The following NTRK2 variants were observed in gnomAD, a reference collection of about 807,000 sequenced individuals.
NTRK2 encodes the protein neurotrophic receptor tyrosine kinase 2.
Under a neutral mutation model 94.5 loss-of-function variants are expected in NTRK2, and 13 were observed. The ratio of observed to expected loss-of-function variants is 0.14; its 90% CI spans 0.09 to 0.22. The LOEUF (loss-of-function observed/expected upper bound fraction) is 0.22. Among genes scored for constraint, NTRK2 ranks in the 10% least tolerant of loss-of-function variants. The pLI is 1.00. For synonymous variants in NTRK2, 372 were observed against 407.4 expected (o/e 0.91, Z 1.05); for missense variants, 639 against 1,071.2 (o/e 0.60, Z 5.63).
intron 9 of NTRK2, among the ~76,000 whole-genome samples, chr9:84,737,868 T>C (rs911272236): frequency 6.6e-6 from 1 of 151,492 alleles, no homozygotes; most frequent in African/African-American, 2.5e-5. Flanking sequence ...TCACTTTCGG[T>C]AATTCTTGAC....
chr9:84,678,917 A>G (rs2059224070), intron 2 of NTRK2, among the ~76,000 whole-genome samples: 1 of 152,178 alleles, frequency 6.6e-6, no homozygotes, highest in Non-Finnish European at 1.5e-5. Flanking sequence ...TATTCTGCCA[A>G]AATTCATGTG....
At chr9:84,740,437 C>A (rs183224891) in intron 9 of NTRK2, among the ~76,000 whole-genome samples, 1 of 152,330 alleles carries the variant, frequency 6.6e-6, no homozygotes, top group African/African-American at 2.4e-5. Flanking sequence ...TTGAAATTTA[C>A]TGGAATCAAT....
intron 2 of NTRK2, among the ~76,000 whole-genome samples, chr9:84,680,602 A>G (rs2131388331): frequency 6.6e-6 from 1 of 152,306 alleles, no homozygotes; most frequent in Middle Eastern, 3.4e-3. Context: ...CCACATTTTA[A>G]GATAAGAATT....
chr9:84,676,383 T>A lies in NTRK2; in HGVS notation c.212+5423T>A, dbSNP rs571744302. On this transcript the variant is annotated intron_variant, in intron 2 of 18. Transcript: ENST00000277120. The stretch of plus-strand genomic sequence containing the variant: ...GTGTTATGTGGAAATGTTTTCAGTG[T>A]CTGCTCTGAACTCCCTCAAACCATG... 5.3e-5 allele frequency among the ~76,000 whole-genome samples: 8 copies of A among 152,342 alleles called. No homozygotes were observed. The East Asian group carries it at 1.4e-3, about 26-fold the overall frequency.
At chr9:84,797,604 ATATATAATATATATACTATATAT>A in intron 12 of NTRK2, among the ~76,000 whole-genome samples, 3 of 80,080 alleles carry the variant, frequency 3.7e-5, no homozygotes, top group African/African-American at 5.1e-5. Context: ...ACTATATATT[ATATATAATATATATACTATATAT>A]TATATATTAT....
In NTRK2 at chr9:84,875,861, A is replaced by C. The variant is rs149012178; in HGVS notation, c.1633+8430A>C. 2.5e-4 allele frequency: 259 copies of C among 1,042,084 alleles called. 2 individuals are homozygous for C. In the African/African-American group the frequency reaches 3.9e-3, roughly 16 times the overall value. 64.6% of individuals were successfully genotyped at this position (1,042,084 alleles called of 1,614,324 possible). A position where few individuals can be genotyped will look rare whatever the true frequency, so the allele number is the denominator to read the frequency against. On this transcript the variant is annotated intron_variant, in intron 14 of 18. Coordinates refer to ENST00000277120, the MANE Select transcript of NTRK2 (RefSeq NM_006180.6). ...ATAGTATGACATCCAATAATATGTT[A>C]GTGTTGATATTTTGCACAGTAATAT...
chr9:84,933,162 C>T (rs1008449122), intron 14 of NTRK2, among the ~76,000 whole-genome samples: 1 of 152,190 alleles, frequency 6.6e-6, no homozygotes, highest in Non-Finnish European at 1.5e-5. Context: ...AATGCACTAC[C>T]ATTCAGCAAC....
rs148731843 is a variant in NTRK2, at chr9:84,913,860, TTTATTA to T, written c.1634-20284_1634-20279del. 1.9e-4 allele frequency among the ~76,000 whole-genome samples: 29 copies of T among 151,028 alleles called. No homozygotes were observed. In the South Asian group the frequency reaches 4.8e-3, roughly 25 times the overall value. On this transcript the variant is annotated intron_variant, in intron 14 of 18. Transcript: ENST00000277120. Reference sequence around the variant, plus strand: ...GAAGTTTCAGCTGCTATTTTTCAACTTTATTATTATTATTATTATTATTTTTGCCAT... The same window carrying T: ...GAAGTTTCAGCTGCTATTTTTCAACTTTATTATTATTATTATTTTTGCCAT...
chr9:84,992,287 GC>G (rs1177113003), intron 17 of NTRK2, among the ~76,000 whole-genome samples: 1 of 151,872 alleles, frequency 6.6e-6, no homozygotes, highest in African/African-American at 2.4e-5. Flanking sequence ...TACTTACATG[GC>G]CCAATGGAAT....
chr9:84,976,238 G>A (rs1354261904), intron 17 of NTRK2, among the ~76,000 whole-genome samples: 3 of 152,178 alleles, frequency 2.0e-5, no homozygotes, highest in African/African-American at 4.8e-5. Flanking sequence ...GGGTTCTGGT[G>A]AGGGCTCTCT....
At chr9:84,812,570 A>C in intron 12 of NTRK2, 2 of 1,046,410 alleles carry the variant, frequency 1.9e-6, no homozygotes, top group Non-Finnish European at 2.3e-6. Flanking sequence ...GCCAGCTAAT[A>C]GCAGAAATCA....
intron 2 of NTRK2, among the ~76,000 whole-genome samples, chr9:84,676,530 G>A (rs918376926): frequency 6.6e-5 from 10 of 152,138 alleles, no homozygotes; most frequent in African/African-American, 2.4e-4. Context: ...AAAGAGAAAG[G>A]GCTTTAGAAA....
intron 6 of NTRK2, among the ~76,000 whole-genome samples, chr9:84,722,956 T>C (rs747717439): frequency 1.1e-4 from 16 of 152,246 alleles, no homozygotes; most frequent in Non-Finnish European, 2.1e-4. Flanking sequence ...TATTTAACTA[T>C]GATTTATATA....
chr9:84,684,384 A>G (rs2059584144), intron 2 of NTRK2, among the ~76,000 whole-genome samples: 1 of 152,204 alleles, frequency 6.6e-6, no homozygotes, highest in Admixed American at 6.5e-5. Flanking sequence ...GATGTAAGGA[A>G]GGAGTCCAGT....
chr9:84,833,996 T>C (rs2073726036), intron 12 of NTRK2, among the ~76,000 whole-genome samples: 1 of 152,158 alleles, frequency 6.6e-6, no homozygotes, highest in African/African-American at 2.4e-5. Context: ...CATTTGACTT[T>C]CATCTTCCAC....
intron 11 of NTRK2, among the ~76,000 whole-genome samples, chr9:84,746,123 C>T (rs923831695): frequency 3.9e-5 from 6 of 152,148 alleles, no homozygotes; most frequent in Non-Finnish European, 7.4e-5. Context: ...CAGCTCACCA[C>T]CTGTTTTTGT....
intron 12 of NTRK2, chr9:84,815,193 C>G: frequency 9.5e-7 from 1 of 1,057,194 alleles, no homozygotes; most frequent in Non-Finnish European, 1.1e-6. Context: ...TGAGGTAACT[C>G]TAAGTTGAAT....
chr9:85,017,492 C>T (rs118023205), intron 17 of NTRK2, among the ~76,000 whole-genome samples: 2,050 of 152,288 alleles, frequency 0.013, 32 homozygotes, highest in Middle Eastern at 0.044. Context: ...TAGATTAACA[C>T]ACCTCAAAGT....
chr9:84,869,782 T>C (rs1019919504), intron 14 of NTRK2, among the ~76,000 whole-genome samples: 1 of 152,150 alleles, frequency 6.6e-6, no homozygotes, highest in South Asian at 2.1e-4. Context: ...GAAATATTAA[T>C]TTCTAGCAGA....
Sources: gnomAD v4.1 joint callset for allele counts (sites outside exome capture counted in the v4.1 genomes callset) on GRCh38, gnomAD v4.1.1 for gene constraint, MANE v1.5 for transcripts, NCBI Gene and HGNC (gene_info 2026-07-23, HGNC 2026-07-21) for gene names.